The following PRDM10 variants were observed in gnomAD, a reference collection of about 807,000 sequenced individuals.
The protein encoded by PRDM10 is PR/SET domain 10.
A neutral mutation model predicts 133.1 loss-of-function variants in PRDM10; 65 were observed. That is an observed-to-expected ratio of 0.49 (90% CI 0.40 to 0.60). The LOEUF is 0.60. Ranked by LOEUF, PRDM10 falls within the 20% of genes least tolerant of loss-of-function variation. The pLI is 0.00. For synonymous variants in PRDM10, 582 were observed against 580.4 expected (o/e 1.00, Z -0.04); for missense variants, 1,137 against 1,507.1 (o/e 0.75, Z 4.07).
At chr11:129,936,577 C>T (rs957127820) in intron 8 of PRDM10, among the ~76,000 whole-genome samples, 1 of 151,640 alleles carries the variant, frequency 6.6e-6, no homozygotes, top group Non-Finnish European at 1.5e-5. Flanking sequence ...GGCGTGAGCC[C>T]GGGAGGTGGA....
At chr11:129,966,458 A>C (rs1233729619) in intron 1 of PRDM10, among the ~76,000 whole-genome samples, 1 of 152,152 alleles carries the variant, frequency 6.6e-6, no homozygotes, top group Non-Finnish European at 1.5e-5. Context: ...CTGCCCACTC[A>C]TGTGTGATCT....
chr11:129,967,891 A>G (rs995099348), intron 1 of PRDM10, among the ~76,000 whole-genome samples: 1 of 152,056 alleles, frequency 6.6e-6, no homozygotes, highest in African/African-American at 2.4e-5. Flanking sequence ...CTGAGTTCCC[A>G]TCATGCCCTT....
At chr11:129,980,771 A>C (rs1565508934) in intron 1 of PRDM10, among the ~76,000 whole-genome samples, 1 of 152,062 alleles carries the variant, frequency 6.6e-6, no homozygotes, top group Non-Finnish European at 1.5e-5. Context: ...AACCAGGGAA[A>C]TCTATAAAGA....
intron 19 of PRDM10, among the ~76,000 whole-genome samples, chr11:129,909,720 A>G (rs1311877041): frequency 1.3e-5 from 2 of 152,160 alleles, no homozygotes; most frequent in African/African-American, 4.8e-5. Context: ...GGCCTGCCCC[A>G]AAGCTGTTTC....
intron 18 of PRDM10, among the ~76,000 whole-genome samples, chr11:129,911,141 T>A (rs1950177097): frequency 1.3e-5 from 2 of 152,224 alleles, no homozygotes; most frequent in Non-Finnish European, 2.9e-5. Flanking sequence ...CAAGCATAAC[T>A]ATGAAATTCT....
At chr11:129,955,767 A>T (rs1402722531) in intron 3 of PRDM10, among the ~76,000 whole-genome samples, 196 bp from the exon 4 acceptor site, 1 of 152,250 alleles carries the variant, frequency 6.6e-6, no homozygotes, top group Non-Finnish European at 1.5e-5. Context: ...CATGGCTCCA[A>T]AGAGATTGTA....
chr11:129,941,695 C>A (rs190867226), intron 7 of PRDM10, among the ~76,000 whole-genome samples: 10 of 152,312 alleles, frequency 6.6e-5, no homozygotes, highest in Non-Finnish European at 1.5e-4. Context: ...CAATACATGA[C>A]ATGAGATAGT....
intron 1 of PRDM10, among the ~76,000 whole-genome samples, chr11:129,971,905 T>C (rs1197127815): frequency 1.3e-5 from 2 of 152,160 alleles, no homozygotes; most frequent in African/African-American, 4.8e-5. Context: ...CGGGGAGGCT[T>C]GGGCTGCACA....
chr11:129,983,765 G>C (rs1938250756), intron 1 of PRDM10, among the ~76,000 whole-genome samples: 1 of 151,808 alleles, frequency 6.6e-6, no homozygotes, highest in African/African-American at 2.4e-5. Flanking sequence ...CACTTCCTAA[G>C]TATGGCACTA....
At position 129,912,215 on chromosome 11, in the gene PRDM10, G is replaced by C. The variant is rs1047264285; in HGVS notation, c.2852C>G (p.Pro951Arg). 3 of 1,590,198 alleles carry C rather than the reference G, an allele frequency of 1.9e-6. No individual in the cohort carries two copies. In the Admixed American group the frequency reaches 5.2e-5, roughly 28 times the overall value. Residue 951 changes from proline (P) to arginine (R), a missense_variant, in exon 18 of 21, where the codon CCT (proline) becomes CGT (arginine). Coordinates refer to ENST00000360871, the MANE Select transcript of PRDM10 (RefSeq NM_199437.2). The stretch of plus-strand genomic sequence containing the variant: ...CACAGTGGACTGCTGTGACTGGTGA[G>C]GGGAAGTGGCCTGGAAGGAGAAAAA... ...QVVQVASATS[P>R]HQSQQSTVDV...
At chr11:129,929,511 T>C (rs1353865771) in intron 11 of PRDM10, 1 of 1,182,514 alleles carries the variant, frequency 8.5e-7, no homozygotes, top group Non-Finnish European at 1.2e-6. Context: ...CCAATCTGGA[T>C]AGAAAAGATG....
chr11:129,977,255 TACACACACACACACACACAC>T (rs71057991), intron 1 of PRDM10, among the ~76,000 whole-genome samples: 18 of 132,490 alleles, frequency 1.4e-4, no homozygotes, highest in African/African-American at 4.7e-4. Flanking sequence ...ATGACTAAAA[TACACACACACACACACACAC>T]ACACACACAC....
Position 129,925,002 on chromosome 11 carries a change from G to A in PRDM10, c.1758C>T (p.Cys586=). 6.2e-7 allele frequency: 1 copy of A among 1,614,182 alleles called. No homozygotes were observed. Among genetic ancestry groups the A allele is most frequent in the South Asian group, 1.1e-5 (1 of 91,082 alleles). ...KLHSDQKTYS[C]IFCPESFDRL... ...GGTCAAAGGATTCTGGGCAAAAAAT[G>A]CAAGAGTAAGTCTTCTGGTCTGAGT... Residue 586 remains cysteine (C), a synonymous_variant, in exon 12 of 21, where the codon TGC becomes TGT. Coordinates refer to ENST00000360871, the MANE Select transcript of PRDM10 (RefSeq NM_199437.2).
chr11:129,977,720 TGAG>T (rs1408110096), intron 1 of PRDM10, among the ~76,000 whole-genome samples: 2 of 151,806 alleles, frequency 1.3e-5, no homozygotes, highest in Non-Finnish European at 2.9e-5. Flanking sequence ...TTTGGGAGCA[TGAG>T]GAGGGTGGAT....
At chr11:129,951,449 C>T (rs1951580320) in intron 4 of PRDM10, among the ~76,000 whole-genome samples, 1 of 152,202 alleles carries the variant, frequency 6.6e-6, no homozygotes, top group Non-Finnish European at 1.5e-5. Context: ...GGTTGGCAAG[C>T]AGTGTCTGTC....
Position 129,906,828 on chromosome 11 carries a change from A to C in PRDM10, c.3164-1087T>G, listed in dbSNP as rs1241661275. Among the ~76,000 whole-genome samples the C allele has an allele frequency of 2.6e-5, 4 of 151,986 alleles. No homozygotes were observed. In the East Asian group the frequency reaches 5.8e-4, roughly 22 times the overall value. Reference sequence around the variant, plus strand: ...CCCCATCCCTGCTAAAAATACAAAAATTAGCCAGGCATGGTGGCGGGTGCC... The same window carrying C: ...CCCCATCCCTGCTAAAAATACAAAACTTAGCCAGGCATGGTGGCGGGTGCC... On this transcript the variant is annotated intron_variant, in intron 19 of 20. Coordinates refer to ENST00000360871, the MANE Select transcript of PRDM10 (RefSeq NM_199437.2).
intron 1 of PRDM10, among the ~76,000 whole-genome samples, chr11:129,994,581 T>A (rs1938945459): frequency 6.6e-6 from 1 of 151,866 alleles, no homozygotes; most frequent in African/African-American, 2.4e-5. Context: ...GAGACCAGCC[T>A]TGGCAACACA....
intron 1 of PRDM10, among the ~76,000 whole-genome samples, chr11:129,996,668 G>C (rs1467997694): frequency 6.6e-6 from 1 of 152,128 alleles, no homozygotes; most frequent in Non-Finnish European, 1.5e-5. Flanking sequence ...AGAGCAGAGA[G>C]GAAGAAACAT....
intron 19 of PRDM10, among the ~76,000 whole-genome samples, chr11:129,908,613 G>A (rs555387997): frequency 5.3e-5 from 8 of 152,270 alleles, no homozygotes; most frequent in African/African-American, 1.9e-4. Context: ...TAACTGCTGA[G>A]GCTGGACAAT....
Sources: allele counts gnomAD v4.1 joint callset (sites outside exome capture counted in the v4.1 genomes callset), GRCh38; gene constraint gnomAD v4.1.1; transcripts MANE v1.5; gene names NCBI Gene and HGNC (gene_info 2026-07-23, HGNC 2026-07-21).